The following MTFR1L variants were observed in gnomAD, a reference collection of about 807,000 sequenced individuals.
MTFR1L encodes the protein mitochondrial fission regulator 1 like.
In MTFR1L, 10 loss-of-function variants were observed where a neutral mutation model predicts 27.9. The ratio of observed to expected loss-of-function variants is 0.36; its 90% CI spans 0.22 to 0.61. The LOEUF is 0.61. MTFR1L is among the 20% of genes least tolerant of loss of function. The pLI is 0.73. For missense variants in MTFR1L, 315 were observed against 363.7 expected (o/e 0.87, Z 1.09); for synonymous variants, 151 against 139.4 (o/e 1.08, Z -0.58).
At position 25,826,180 on chromosome 1, in the gene MTFR1L, C is replaced by T. The variant is rs1355514013; in HGVS notation, c.130-122C>T. 2 of 740,866 alleles carry T rather than the reference C, an allele frequency of 2.7e-6. No homozygotes were observed. The highest frequency in any genetic ancestry group is 4.6e-6 in the Non-Finnish European group (2 of 439,444). 45.9% of individuals were successfully genotyped at this position (740,866 alleles called of 1,614,324 possible). On this transcript the variant is annotated intron_variant, in intron 3 of 6. Transcript: ENST00000374303. The surrounding 1 kb of genome is among the most constrained non-coding windows in gnomAD (Gnocchi z 4.1). The stretch of plus-strand genomic sequence containing the variant: ...GTTTTCGACCAGGAACCTTCTTCTG[C>T]CCCCTCTAGGAAGCCTTCCTGACAC...
intron 6 of MTFR1L, among the ~76,000 whole-genome samples, chr1:25,831,029 T>G (rs905219614): frequency 1.3e-5 from 2 of 152,202 alleles, no homozygotes; most frequent in African/African-American, 2.4e-5. Context: ...TACTTGCCTT[T>G]TGGACCAAAT....
intron 1 of MTFR1L, chr1:25,820,992 C>CCTG (rs2048083818): frequency 3.4e-6 from 1 of 292,596 alleles, no homozygotes; most frequent in Non-Finnish European, 6.5e-6. Context: ...GTGTTTGATG[C>CCTG]AGGGCTCAGA....
intron 2 of MTFR1L, chr1:25,823,432 A>T (rs1421263406): frequency 1.3e-6 from 1 of 771,618 alleles, no homozygotes; most frequent in Non-Finnish European, 2.2e-6. Flanking sequence ...CTGCCTTAGC[A>T]GCAGCAGGTA....
intron 1 of MTFR1L, chr1:25,821,483 C>G (rs1557440097): frequency 6.6e-6 from 1 of 152,400 alleles, no homozygotes; most frequent in Non-Finnish European, 1.5e-5. Flanking sequence ...AGACAAGTGC[C>G]TTCCCCTGTC....
rs752208814 is a variant in MTFR1L at position 25,823,117 on chromosome 1, G to A, written c.13G>A (p.Glu5Lys). 1.9e-6 allele frequency: 3 copies of A among 1,614,182 alleles called. No individual in the cohort carries two copies. Among genetic ancestry groups the A allele is most frequent in the Non-Finnish European group, 2.5e-6 (3 of 1,180,018 alleles). Residue 5 changes from glutamate to lysine, a missense_variant, in exon 2 of 7, where the codon GAA (glutamate) becomes AAA (lysine). Transcript: ENST00000374303. Reference protein sequence around the residue: MSGMEATVTIPIWQN... With the variant: MSGMKATVTIPIWQN... ...GGAGCTGGTTCAAATGTCAGGAATG[G>A]AAGCCACTGTGGTAAGGGGCATTCC...
At chr1:25,827,729 C>G (rs920378976) in intron 5 of MTFR1L, among the ~76,000 whole-genome samples, 2 of 151,926 alleles carry the variant, frequency 1.3e-5, no homozygotes, top group African/African-American at 4.8e-5. Context: ...GCATGAGCCA[C>G]TGTGCCCGCG....
chr1:25,821,711 T>G (rs912737135), intron 1 of MTFR1L: 1 of 152,486 alleles, frequency 6.6e-6, no homozygotes, highest in Non-Finnish European at 1.5e-5. Flanking sequence ...TTCCATGTCC[T>G]TCACCTTCTT....
At chr1:25,829,440 G>A (rs2048208033) in intron 5 of MTFR1L, 69 bp from the exon 6 acceptor site, 1 of 1,370,696 alleles carries the variant, frequency 7.3e-7, no homozygotes, top group South Asian at 1.3e-5. Flanking sequence ...AGGCAGGGCT[G>A]TGGGGAGAAG....
Position 25,832,004 on chromosome 1 carries a change from A to C in MTFR1L, c.857A>C (p.Asp286Ala). 1 of 1,614,216 alleles carries C rather than the reference A, an allele frequency of 6.2e-7. No individual in the cohort carries two copies. The highest frequency in any genetic ancestry group is 1.1e-5 in the South Asian group (1 of 91,084). The change falls in exon 7 of 7, where the codon GAT becomes GCT. Residue 286 changes from aspartate to alanine, a missense_variant. Physicochemically the swap from Asp to Ala is moderately radical, Grantham distance 126. Coordinates refer to ENST00000374303, the MANE Select transcript of MTFR1L (RefSeq NM_001099625.2). ...AGGAAGTTTGCTCTAAAGGAAGAAG[A>C]TATCAGTAGAAAAGGAAATTGACAA... Reference protein sequence around the residue: ...LRRKFALKEEDISRKGN With the variant: ...LRRKFALKEEAISRKGN
At chr1:25,822,654 G>A (rs1243919373) in intron 1 of MTFR1L, 1 of 273,070 alleles carries the variant, frequency 3.7e-6, no homozygotes, top group Non-Finnish European at 6.9e-6. Context: ...AGCCTCCCAA[G>A]TAGCTGGTAC....
intron 6 of MTFR1L, 85 bp from the exon 7 acceptor site, chr1:25,831,820 CTCGTAAGATTGTTGTG>C: frequency 9.8e-7 from 1 of 1,024,304 alleles, no homozygotes; most frequent in South Asian, 1.3e-5. Context: ...TGGCACCTAC[CTCGTAAGATTGTTGTG>C]AGGATTCAAC....
intron 6 of MTFR1L, among the ~76,000 whole-genome samples, chr1:25,831,383 T>A (rs1312360398): frequency 6.6e-6 from 1 of 152,196 alleles, no homozygotes; most frequent in East Asian, 1.9e-4. Flanking sequence ...ATGAGTTTCT[T>A]ATGTGAATGT....
At chr1:25,822,983 G>A (rs190537866) in intron 1 of MTFR1L, 36 bp from the exon 2 acceptor site, 42 of 1,565,720 alleles carry the variant, frequency 2.7e-5, no homozygotes, top group East Asian at 1.3e-4. Context: ...ACTGTGGGGG[G>A]TTGTTTCACA....
intron 1 of MTFR1L, chr1:25,822,522 CTTTTTTTTTT>C (rs138804319): frequency 1.8e-5 from 2 of 109,084 alleles, no homozygotes; most frequent in Admixed American, 9.2e-5. Context: ...CTAGGCAAAT[CTTTTTTTTTT>C]TTTTTTTTTT....
intron 6 of MTFR1L, among the ~76,000 whole-genome samples, chr1:25,831,071 C>T (rs2048233579): frequency 6.6e-6 from 1 of 152,184 alleles, no homozygotes; most frequent in Non-Finnish European, 1.5e-5. Context: ...TAGCCCCCTC[C>T]TCCCACTTGT....
At position 25,826,313 on chromosome 1, in the gene MTFR1L, C is replaced by T; in HGVS notation, c.141C>T (p.Asn47=). The T allele has an allele frequency of 6.2e-7, 1 of 1,614,176 alleles. No individual in the cohort carries two copies. Among genetic ancestry groups the T allele is most frequent in the South Asian group, 1.1e-5 (1 of 91,074 alleles). Residue 47 remains asparagine (N), a synonymous_variant, in exon 4 of 7, where the codon AAC becomes AAT. Coordinates refer to ENST00000374303, the MANE Select transcript of MTFR1L (RefSeq NM_001099625.2). This position sits in a 1 kb window ranked among gnomAD's most constrained non-coding sequence, Gnocchi z 4.1. ...CARASFETLP[N]ISDLCLRDVP... ...TTGCTTCTCCATAGACCCTGCCCAA[C>T]ATCTCTGACCTGTGTTTGAGAGATG...
At chr1:25,831,723 G>A (rs537322311) in intron 6 of MTFR1L, among the ~76,000 whole-genome samples, 198 bp from the exon 7 acceptor site, 1 of 152,320 alleles carries the variant, frequency 6.6e-6, no homozygotes, top group South Asian at 2.1e-4. Context: ...TGGATTCACC[G>A]CTTACTTGCT....
At chr1:25,828,505 A>G (rs1180697064) in intron 5 of MTFR1L, among the ~76,000 whole-genome samples, 1 of 152,060 alleles carries the variant, frequency 6.6e-6, no homozygotes, top group Non-Finnish European at 1.5e-5. Context: ...GGTTGCAATG[A>G]GCTGAAGTTG....
intron 1 of MTFR1L, chr1:25,820,300 G>T: frequency 2.2e-6 from 1 of 455,914 alleles, no homozygotes; most frequent in Non-Finnish European, 4.4e-6. Flanking sequence ...GGGCTGCCCC[G>T]CCGCGCATTC....
Sources: gnomAD v4.1 joint callset for allele counts (sites outside exome capture counted in the v4.1 genomes callset) on GRCh38, gnomAD v4.1.1 for gene constraint, Gnocchi (gnomAD v3.1) non-coding constraint, MANE v1.5 for transcripts, NCBI Gene and HGNC (gene_info 2026-07-23, HGNC 2026-07-21) for gene names.